DAAM1: variants seen among roughly 807,000 people sequenced by gnomAD.
DAAM1 encodes the protein disheveled-associated activator of morphogenesis 1.
In DAAM1, 52 loss-of-function variants were observed where a neutral mutation model predicts 130.0. That is an observed-to-expected ratio of 0.40 (90% CI 0.32 to 0.50). The LOEUF (loss-of-function observed/expected upper bound fraction) is 0.50, where lower values mean the gene tolerates loss of function less well. DAAM1 is among the 20% of genes least tolerant of loss of function. DAAM1 has a pLI of 0.61. For missense variants in DAAM1, 1,134 were observed against 1,303.8 expected (o/e 0.87, Z 2.01); for synonymous variants, 452 against 444.5 (o/e 1.02, Z -0.21).
chr14:59,363,856 C>A, intron 23 of DAAM1, 74 bp downstream of exon 23: 2 of 1,588,556 alleles, frequency 1.3e-6, no homozygotes, highest in Middle Eastern at 3.6e-4. Flanking sequence ...AGTTATTATT[C>A]TGTACGGGAA....
chr14:59,206,187 A>G (rs763833278), intron 1 of DAAM1, among the ~76,000 whole-genome samples: 3 of 152,076 alleles, frequency 2.0e-5, no homozygotes, highest in Non-Finnish European at 4.4e-5. Flanking sequence ...GCAAATGGAG[A>G]ACCTGAAGAG....
chr14:59,220,876 A>C (rs1437985744), intron 1 of DAAM1, among the ~76,000 whole-genome samples: 1 of 152,210 alleles, frequency 6.6e-6, no homozygotes, highest in Non-Finnish European at 1.5e-5. Context: ...CGATTGGATG[A>C]TGCCCACGCA....
chr14:59,245,741 C>A (rs935276128), intron 1 of DAAM1, among the ~76,000 whole-genome samples: 2 of 152,122 alleles, frequency 1.3e-5, no homozygotes, highest in Non-Finnish European at 2.9e-5. Flanking sequence ...TTTCCCCCAT[C>A]GCCCCATTGT....
intron 2 of DAAM1, among the ~76,000 whole-genome samples, chr14:59,290,092 A>G (rs541530915): frequency 2.0e-5 from 3 of 152,230 alleles, no homozygotes; most frequent in East Asian, 3.9e-4. Context: ...CGAGTTACCT[A>G]TGTAACAAAC....
intron 16 of DAAM1, 97 bp downstream of exon 16, chr14:59,340,277 G>C (rs1055453187): frequency 1.8e-6 from 2 of 1,119,800 alleles, no homozygotes; most frequent in Middle Eastern, 2.0e-4. Context: ...ATTGTACTCT[G>C]CTGAGGTACA....
At chr14:59,237,459 T>A (rs1327319747) in intron 1 of DAAM1, among the ~76,000 whole-genome samples, 2 of 152,128 alleles carry the variant, frequency 1.3e-5, no homozygotes, top group African/African-American at 4.8e-5. Flanking sequence ...AGCTAAACAA[T>A]ATAGGATTGC....
chr14:59,291,577 T>A (rs915654939), intron 3 of DAAM1: 11 of 381,286 alleles, frequency 2.9e-5, no homozygotes, highest in African/African-American at 2.3e-4. Flanking sequence ...CAAGACAAAT[T>A]CCCCCCAACC....
At chr14:59,314,663 T>G (rs1185280288) in intron 3 of DAAM1, among the ~76,000 whole-genome samples, 2 of 152,154 alleles carry the variant, frequency 1.3e-5, no homozygotes, top group African/African-American at 4.8e-5. Flanking sequence ...TCAGAGGCAC[T>G]ACCTTTTCTA....
intron 8 of DAAM1, among the ~76,000 whole-genome samples, chr14:59,324,986 C>T (rs1170667405): frequency 6.6e-6 from 1 of 152,186 alleles, no homozygotes; most frequent in Non-Finnish European, 1.5e-5. Context: ...CGGCTCTCCT[C>T]TCCTGTATAT....
At chr14:59,331,762 C>A in intron 14 of DAAM1, 51 bp from the exon 15 acceptor site, 1 of 1,564,272 alleles carries the variant, frequency 6.4e-7, no homozygotes, top group South Asian at 1.2e-5. Context: ...CATCCCTGTT[C>A]TTTTTATGTA....
rs386381493 is a variant in DAAM1 at position 59,327,402 on chromosome 14, C to CTTTTTTTTTTTTTTTTTTTTT, written c.1372+415_1372+435dup. Among the ~76,000 whole-genome samples, 126 of 58,988 alleles carry CTTTTTTTTTTTTTTTTTTTTT rather than the reference C, an allele frequency of 2.1e-3. 22 individuals carry two copies. Among genetic ancestry groups the CTTTTTTTTTTTTTTTTTTTTT allele is most frequent in the African/African-American group, 3.3e-3 (42 of 12,916 alleles). The allele number at this position is 58,988 out of a possible 152,430, so 38.7% of individuals were successfully genotyped here. A position where few individuals can be genotyped will look rare whatever the true frequency, so the allele number is the denominator to read the frequency against. Reference sequence around the variant, plus strand: ...AAGAGAAGAACAGGTCACTTGGTTTCTTTTTTTTTTTTTTTTTTTTTTTTG... The same window carrying CTTTTTTTTTTTTTTTTTTTTT: ...AAGAGAAGAACAGGTCACTTGGTTTCTTTTTTTTTTTTTTTTTTTTTTTTTTTTTTTTTTTTTTTTTTTTTG... On this transcript the variant is annotated intron_variant, in intron 12 of 24. Coordinates refer to ENST00000360909, the MANE Select transcript of DAAM1 (RefSeq NM_001270520.2).
intron 3 of DAAM1, among the ~76,000 whole-genome samples, chr14:59,303,818 T>C (rs2118645): frequency 0.31 from 47,709 of 152,006 alleles, 8,878 homozygotes; most frequent in East Asian, 0.57. Context: ...GAGAATTGCT[T>C]GAACCCAGGA....
intron 2 of DAAM1, among the ~76,000 whole-genome samples, chr14:59,270,499 C>A (rs1882662984): frequency 6.6e-6 from 1 of 152,098 alleles, no homozygotes; most frequent in Non-Finnish European, 1.5e-5. Flanking sequence ...CCCCCATGAC[C>A]CAAACACTTC....
chr14:59,220,053 T>G (rs1339704760), intron 1 of DAAM1, among the ~76,000 whole-genome samples: 1 of 152,226 alleles, frequency 6.6e-6, no homozygotes, highest in Non-Finnish European at 1.5e-5. Flanking sequence ...CCATTGCCTG[T>G]CACTGAACTA....
rs752693424 is a variant in DAAM1 at position 59,367,585 on chromosome 14, C to T, written c.2983C>T (p.Arg995Cys). The change falls in exon 24 of 25, where the codon CGC becomes TGC. Residue 995 changes from arginine to cysteine, a missense_variant. By Grantham distance (180) the Arg-to-Cys change is radical (BLOSUM62 -3). Transcript: ENST00000360909. ...KKKEEEERRA[R>C]MEAQLKEQRE... ...AAAGGAGGAAGAAGAACGTCGAGCT[C>T]GCATGGAAGCTCAGGTGAGAGGATG... The T allele has an allele frequency of 1.7e-5, 27 of 1,613,018 alleles. No homozygotes were observed. In the South Asian group the frequency reaches 1.9e-4, roughly 11 times the overall value.
Position 59,331,285 on chromosome 14 carries a change from G to T in DAAM1, c.1637G>T (p.Gly546Val). 1 of 1,612,684 alleles carries T rather than the reference G, an allele frequency of 6.2e-7. No homozygotes were observed. The highest frequency in any genetic ancestry group is 1.3e-5 in the African/African-American group (1 of 74,916). Residue 546 changes from glycine to valine, a missense_variant, in exon 14 of 25, where the codon GGA becomes GTA. Transcript: ENST00000360909. ...PGGPFPSSVPGSLLPPPPPPP... is the reference protein window; with the variant it reads ...PGGPFPSSVPVSLLPPPPPPP... ...GGGCCCTTTCCTTCCTCTGTGCCTG[G>T]ATCTCTCCTTCCTCCCCCACCACCC...
chr14:59,354,131 G>A (rs1886387057), intron 19 of DAAM1, among the ~76,000 whole-genome samples, 167 bp downstream of exon 19: 2 of 151,512 alleles, frequency 1.3e-5, no homozygotes, highest in South Asian at 4.2e-4. Flanking sequence ...CGCGATCTTG[G>A]CTCAGTGCAA....
intron 15 of DAAM1, among the ~76,000 whole-genome samples, chr14:59,339,090 A>G (rs1381160384): frequency 6.6e-6 from 1 of 152,210 alleles, no homozygotes; most frequent in African/African-American, 2.4e-5. Flanking sequence ...AGTACGTAGA[A>G]TTTTTAGAAC....
chr14:59,321,982 A>G lies in DAAM1; in HGVS notation c.441-910A>G, dbSNP rs573357246. Among the ~76,000 whole-genome samples, 3 of 152,234 alleles carry G rather than the reference A, an allele frequency of 2.0e-5. No homozygotes were observed. The East Asian group carries it at 5.8e-4, about 29-fold the overall frequency. On this transcript the variant is annotated intron_variant, in intron 5 of 24. Coordinates refer to ENST00000360909, the MANE Select transcript of DAAM1 (RefSeq NM_001270520.2). Reference sequence around the variant, plus strand: ...ATTGATTAACTTAAGTGTAAGAAATATTAATAACGTTAGTATGCAACAATA... The same window carrying G: ...ATTGATTAACTTAAGTGTAAGAAATGTTAATAACGTTAGTATGCAACAATA...
Sources: gnomAD v4.1 joint callset for allele counts (sites outside exome capture counted in the v4.1 genomes callset) on GRCh38, gnomAD v4.1.1 for gene constraint, MANE v1.5 for transcripts, NCBI Gene and HGNC (gene_info 2026-07-23, HGNC 2026-07-21) for gene names.